POLR3G: variants seen among roughly 807,000 people sequenced by gnomAD.
POLR3G encodes RNA polymerase III subunit G, also known as DNA-directed RNA polymerase III subunit RPC7.
A neutral mutation model predicts 30.1 loss-of-function variants in POLR3G; 28 were observed. The ratio of observed to expected loss-of-function variants is 0.93; its 90% confidence interval spans 0.69 to 1.27. POLR3G has a LOEUF of 1.27. Among genes scored for constraint, POLR3G ranks in the 50% most tolerant of loss-of-function variants. POLR3G has a pLI of 0.00. For synonymous variants in POLR3G, 79 were observed against 82.5 expected (o/e 0.96, Z 0.23); for missense variants, 254 against 264.6 (o/e 0.96, Z 0.28).
chr5:90,493,421 A>G (rs942426338), intron 3 of POLR3G, among the ~76,000 whole-genome samples: 7 of 151,570 alleles, frequency 4.6e-5, no homozygotes, highest in Non-Finnish European at 8.8e-5. Context: ...TAATTTTTGC[A>G]TTTTTTGTAG....
intron 3 of POLR3G, among the ~76,000 whole-genome samples, chr5:90,491,690 A>G (rs1388080523): frequency 6.6e-6 from 1 of 152,126 alleles, no homozygotes; most frequent in African/African-American, 2.4e-5. Context: ...CCTTTTATAT[A>G]TCTAAAATAA....
chr5:90,474,454 GA>G, upstream of POLR3G: 1 of 658,726 alleles, frequency 1.5e-6, no homozygotes, highest in Middle Eastern at 4.0e-4. Flanking sequence ...GGAATAGGAG[GA>G]GGAAGGACGC....
At chr5:90,507,731 A>G (rs958964456) in intron 7 of POLR3G, among the ~76,000 whole-genome samples, 1 of 152,086 alleles carries the variant, frequency 6.6e-6, no homozygotes, top group Non-Finnish European at 1.5e-5. Flanking sequence ...CTATTCTTTC[A>G]GATACATTTT....
intron 3 of POLR3G, among the ~76,000 whole-genome samples, chr5:90,490,169 A>C (rs970171828): frequency 7.9e-5 from 12 of 152,160 alleles, no homozygotes; most frequent in African/African-American, 2.9e-4. Flanking sequence ...AGGGATATTA[A>C]AAACATAATT....
intron 1 of POLR3G, 106 bp downstream of exon 1, chr5:90,475,126 A>G (rs1039343218): frequency 3.3e-5 from 5 of 152,200 alleles, no homozygotes; most frequent in African/African-American, 1.2e-4. Context: ...AGATTCATTA[A>G]AGCGCCTCTG....
At chr5:90,506,031 T>G (rs1752466683) in intron 6 of POLR3G, among the ~76,000 whole-genome samples, 1 of 152,018 alleles carries the variant, frequency 6.6e-6, no homozygotes, top group South Asian at 2.1e-4. Flanking sequence ...GACCAGCAGT[T>G]TGAGACCAGC....
Position 90,495,708 on chromosome 5 carries a change from G to A in POLR3G, c.279G>A (p.Lys93=). The change falls in exon 4 of 8, where the codon AAG becomes AAA. Residue 93 remains lysine, a synonymous_variant. Coordinates refer to ENST00000651687, the MANE Select transcript of POLR3G (RefSeq NM_006467.3). Reference sequence around the variant, plus strand: ...AAAGGTATAGTAAAAGATACATGAAGGTATACAAGGAAGAATGGATACCAG... The same window carrying A: ...AAAGGTATAGTAAAAGATACATGAAAGTATACAAGGAAGAATGGATACCAG... ...DIERYSKRYM[K]VYKEEWIPDW... is the part of the protein sequence containing the mutation. The A allele has an allele frequency of 2.5e-6, 4 of 1,596,122 alleles. No homozygotes were observed. The highest frequency in any genetic ancestry group is 3.4e-6 in the Non-Finnish European group (4 of 1,172,174).
At chr5:90,493,312 T>C (rs1751823768) in intron 3 of POLR3G, among the ~76,000 whole-genome samples, 2 of 152,132 alleles carry the variant, frequency 1.3e-5, no homozygotes, top group South Asian at 4.1e-4. Context: ...AGTGGCATAA[T>C]CTCAGCTCAC....
At chr5:90,487,585 G>T (rs1237030913) in intron 2 of POLR3G, among the ~76,000 whole-genome samples, 1 of 151,494 alleles carries the variant, frequency 6.6e-6, no homozygotes, top group Non-Finnish European at 1.5e-5. Context: ...TGGAGACAGG[G>T]TTTCACCATG....
At chr5:90,480,828 T>G (rs374143326) in intron 1 of POLR3G, among the ~76,000 whole-genome samples, 2 of 152,300 alleles carry the variant, frequency 1.3e-5, no homozygotes, top group East Asian at 1.9e-4. Flanking sequence ...TTGCAGTTGT[T>G]TCTTAGAGTG....
intron 3 of POLR3G, among the ~76,000 whole-genome samples, chr5:90,491,306 T>C (rs1330035577): frequency 6.6e-6 from 1 of 152,238 alleles, no homozygotes; most frequent in Non-Finnish European, 1.5e-5. Flanking sequence ...TCGTCTAGTC[T>C]AGTGGTTCCC....
At chr5:90,502,991 A>G (rs1752325798) in intron 6 of POLR3G, among the ~76,000 whole-genome samples, 1 of 152,162 alleles carries the variant, frequency 6.6e-6, no homozygotes, top group Admixed American at 6.5e-5. Flanking sequence ...TTTGGTCAGT[A>G]CATAAATGTG....
intron 3 of POLR3G, among the ~76,000 whole-genome samples, chr5:90,493,677 T>C (rs1481787971): frequency 1.3e-4 from 1 of 7,968 alleles, no homozygotes; most frequent in African/African-American, 1.8e-3. Context: ...CACTATTTAA[T>C]TTTTTTTTTT....
intron 1 of POLR3G, among the ~76,000 whole-genome samples, chr5:90,481,401 A>G (rs114358240): frequency 0.016 from 2,402 of 152,318 alleles, 72 homozygotes; most frequent in African/African-American, 0.055. Context: ...CCCAGAGAAT[A>G]CAGGAATATG....
chr5:90,474,401 G>C, upstream of POLR3G: 2 of 1,028,570 alleles, frequency 1.9e-6, no homozygotes, highest in Non-Finnish European at 2.9e-6. Context: ...CTGCAGCCAG[G>C]GAGGAGGCGT....
intron 7 of POLR3G, 96 bp downstream of exon 7, chr5:90,506,770 A>G (rs1752505310): frequency 7.2e-7 from 1 of 1,390,006 alleles, no homozygotes; most frequent in African/African-American, 1.5e-5. Flanking sequence ...AACAGAAACC[A>G]AGATGATGGG....
At chr5:90,510,880 A>G (rs553798908) in intron 7 of POLR3G, among the ~76,000 whole-genome samples, 1 of 152,178 alleles carries the variant, frequency 6.6e-6, no homozygotes, top group South Asian at 2.1e-4. Context: ...AAAAAAAAAA[A>G]AAACTTTGGA....
intron 1 of POLR3G, among the ~76,000 whole-genome samples, chr5:90,484,278 T>TA (rs1183118578): frequency 2.2e-4 from 33 of 152,216 alleles, no homozygotes; most frequent in Non-Finnish European, 4.7e-4. Flanking sequence ...AAGTTCTGAG[T>TA]GATGCTGCTG....
chr5:90,490,860 T>G (rs1437621393), intron 3 of POLR3G: 2 of 160,454 alleles, frequency 1.2e-5, no homozygotes, highest in East Asian at 3.7e-4. Flanking sequence ...ATCCATGCTA[T>G]GAGTGAAAAA....
Sources: allele counts gnomAD v4.1 joint callset (sites outside exome capture counted in the v4.1 genomes callset), GRCh38; gene constraint gnomAD v4.1.1; transcripts MANE v1.5; gene names NCBI Gene and HGNC (gene_info 2026-07-23, HGNC 2026-07-21).